The following RPS6KC1 variants were observed in gnomAD, a reference collection of about 807,000 sequenced individuals.
RPS6KC1 encodes the protein inactive ribosomal protein S6 kinase delta-1.
In RPS6KC1, 54 loss-of-function variants were observed where a neutral mutation model predicts 103.8. The observed-to-expected ratio is 0.52, with a 90% CI of 0.42 to 0.65. RPS6KC1 has a LOEUF of 0.65. Among genes scored for constraint, RPS6KC1 ranks in the 30% least tolerant of loss-of-function variants. RPS6KC1 has a pLI of 0.00. For missense variants in RPS6KC1, 1,151 were observed against 1,253.8 expected, an observed-to-expected ratio of 0.92 and a Z score of 1.24; for synonymous variants, 439 against 438.7, an observed-to-expected ratio of 1.00 and a Z score of -0.01.
intron 6 of RPS6KC1, among the ~76,000 whole-genome samples, chr1:213,147,471 G>A (rs1425025610): frequency 6.6e-6 from 1 of 152,134 alleles, no homozygotes; most frequent in Non-Finnish European, 1.5e-5. Flanking sequence ...TTCAGTGTAT[G>A]TTCTTGGCAC....
the RPS6KC1 span, among the ~76,000 whole-genome samples, chr1:213,742,764 A>G: frequency 6.6e-6 from 1 of 152,268 alleles, no homozygotes; most frequent in African/African-American, 2.4e-5. Context: ...GGAGACTGGA[A>G]GCACTGCATG....
chr1:213,495,791 T>C, the RPS6KC1 span, among the ~76,000 whole-genome samples: 2 of 152,190 alleles, frequency 1.3e-5, no homozygotes, highest in Non-Finnish European at 2.9e-5. Context: ...ACTCCAAAAT[T>C]AAGGAATAAA....
intron 4 of RPS6KC1, among the ~76,000 whole-genome samples, chr1:213,116,803 C>T (rs1284470845): frequency 6.6e-6 from 1 of 151,850 alleles, no homozygotes; most frequent in Non-Finnish European, 1.5e-5. Flanking sequence ...ATTTCTCCTT[C>T]ACTTATGAAG....
At chr1:213,306,025 C>G in the RPS6KC1 span, among the ~76,000 whole-genome samples, 3 of 152,170 alleles carry the variant, frequency 2.0e-5, no homozygotes, top group Non-Finnish European at 2.9e-5. Context: ...ATTTTAGTGC[C>G]TTTATATAAT....
chr1:213,577,404 A>C, the RPS6KC1 span, among the ~76,000 whole-genome samples: 1 of 152,336 alleles, frequency 6.6e-6, no homozygotes, highest in South Asian at 2.1e-4. Flanking sequence ...TAATACAGTA[A>C]ATTGGTACTG....
chr1:213,552,902 A>G, the RPS6KC1 span, among the ~76,000 whole-genome samples: 1 of 152,058 alleles, frequency 6.6e-6, no homozygotes, highest in South Asian at 2.1e-4. Context: ...TTCAAGCACT[A>G]CTGATCCACT....
chr1:213,438,664 T>C, the RPS6KC1 span, among the ~76,000 whole-genome samples: 2 of 152,216 alleles, frequency 1.3e-5, no homozygotes, highest in African/African-American at 4.8e-5. Context: ...TAATACCTAT[T>C]TTCTACTTGA....
chr1:213,142,037 C>T (rs898379325), intron 6 of RPS6KC1, among the ~76,000 whole-genome samples: 7 of 151,962 alleles, frequency 4.6e-5, no homozygotes, highest in Non-Finnish European at 1.0e-4. Flanking sequence ...GAACTTGTTT[C>T]GAGAATCTGG....
chr1:213,220,769 C>T (rs972574758), intron 8 of RPS6KC1, among the ~76,000 whole-genome samples: 5 of 152,228 alleles, frequency 3.3e-5, no homozygotes, highest in South Asian at 2.1e-4. Context: ...GCAAATTTCC[C>T]GTGAATACAT....
the RPS6KC1 span, among the ~76,000 whole-genome samples, chr1:213,582,117 A>G: frequency 1.3e-5 from 2 of 150,570 alleles, no homozygotes; most frequent in East Asian, 3.9e-4. Context: ...TCATTTTTGA[A>G]CATCCAATGA....
chr1:213,194,574 A>G (rs1019170344), intron 8 of RPS6KC1, among the ~76,000 whole-genome samples: 2 of 152,172 alleles, frequency 1.3e-5, no homozygotes, highest in Non-Finnish European at 2.9e-5. Flanking sequence ...ATCGCCTGTT[A>G]GGAACCGGGC....
chr1:213,785,803 T>A, the RPS6KC1 span, among the ~76,000 whole-genome samples: 1 of 152,134 alleles, frequency 6.6e-6, no homozygotes. Context: ...GTAAAATGGG[T>A]GTAACACCTT....
At chr1:213,743,601 A>G in the RPS6KC1 span, among the ~76,000 whole-genome samples, 1 of 152,232 alleles carries the variant, frequency 6.6e-6, no homozygotes, top group Non-Finnish European at 1.5e-5. Context: ...CTTGAAGCCT[A>G]GCAGCTTGAA....
the RPS6KC1 span, among the ~76,000 whole-genome samples, chr1:213,664,578 C>T: frequency 6.6e-6 from 1 of 152,076 alleles, no homozygotes; most frequent in Non-Finnish European, 1.5e-5. Flanking sequence ...ATTGGCCCAA[C>T]TCTTGTTCAT....
chr1:213,730,851 C>T, the RPS6KC1 span, among the ~76,000 whole-genome samples: 1 of 152,084 alleles, frequency 6.6e-6, no homozygotes, highest in African/African-American at 2.4e-5. Context: ...TTTGCCTGTG[C>T]CTATGTCCTG....
At chr1:213,755,695 T>A in the RPS6KC1 span, among the ~76,000 whole-genome samples, 1 of 152,216 alleles carries the variant, frequency 6.6e-6, no homozygotes, top group Admixed American at 6.5e-5. Context: ...CCACCCTGAG[T>A]GTGGCTGCTC....
At chr1:213,565,148 A>C in the RPS6KC1 span, among the ~76,000 whole-genome samples, 1 of 152,258 alleles carries the variant, frequency 6.6e-6, no homozygotes, top group Non-Finnish European at 1.5e-5. Flanking sequence ...GCAAAGATGT[A>C]TAACAACAGA....
the RPS6KC1 span, among the ~76,000 whole-genome samples, chr1:213,460,202 G>C: frequency 1.3e-5 from 2 of 152,200 alleles, no homozygotes; most frequent in Admixed American, 1.3e-4. Flanking sequence ...CATTATTATT[G>C]TGTGGGAGTC....
intron 8 of RPS6KC1, among the ~76,000 whole-genome samples, chr1:213,216,893 G>A (rs1172153837): frequency 2.0e-5 from 3 of 151,948 alleles, no homozygotes; most frequent in East Asian, 3.9e-4. Context: ...GAAATTTATA[G>A]CACTAAATGC....
Sources: allele counts gnomAD v4.1 joint callset (sites outside exome capture counted in the v4.1 genomes callset), GRCh38; gene constraint gnomAD v4.1.1; transcripts MANE v1.5; gene names NCBI Gene and HGNC (gene_info 2026-07-23, HGNC 2026-07-21).